The following MAML2 variants were observed in gnomAD, a reference collection of about 807,000 sequenced individuals.
The protein encoded by MAML2 is mastermind-like protein 2.
A neutral mutation model predicts 96.1 loss-of-function variants in MAML2; 22 were observed. The ratio of observed to expected loss-of-function variants is 0.23; its 90% CI spans 0.16 to 0.33. The LOEUF is 0.33. Ranked by LOEUF, MAML2 falls within the 10% of genes least tolerant of loss-of-function variation. The pLI, the probability that MAML2 is intolerant of heterozygous loss-of-function variation, is 1.00. For synonymous variants in MAML2, 561 were observed against 521.3 expected (o/e 1.08, Z -1.04); for missense variants, 1,367 against 1,392.4 (o/e 0.98, Z 0.29).
intron 2 of MAML2, among the ~76,000 whole-genome samples, chr11:96,024,944 G>A (rs113183832): frequency 1.3e-5 from 2 of 152,174 alleles, no homozygotes; most frequent in Non-Finnish European, 2.9e-5. Flanking sequence ...CTTATGGACT[G>A]CTGGTGGGAA....
intron 2 of MAML2, among the ~76,000 whole-genome samples, chr11:96,050,981 G>GAT (rs1858981334): frequency 6.6e-6 from 1 of 152,176 alleles, no homozygotes; most frequent in Non-Finnish European, 1.5e-5. Context: ...TGTGATGTGT[G>GAT]ATAGTCTTAG....
At chr11:96,338,664 T>G (rs1863949562) in intron 1 of MAML2, among the ~76,000 whole-genome samples, 1 of 152,218 alleles carries the variant, frequency 6.6e-6, no homozygotes, top group African/African-American at 2.4e-5. Flanking sequence ...ACATCTTTGA[T>G]TTTAGATGAT....
chr11:96,148,697 CACACACACACAT>C (rs1163850791), intron 1 of MAML2, among the ~76,000 whole-genome samples: 2 of 143,430 alleles, frequency 1.4e-5, no homozygotes, highest in African/African-American at 5.1e-5. Flanking sequence ...CACACACACA[CACACACACACAT>C]AAGCACGCAC....
At chr11:96,184,475 T>TAAATAAAA (rs1861541097) in intron 1 of MAML2, among the ~76,000 whole-genome samples, 1 of 118,982 alleles carries the variant, frequency 8.4e-6, no homozygotes. Context: ...AATAAATAAA[T>TAAATAAAA]AAAAATAATG....
At chr11:96,243,339 C>T (rs1591091942) in intron 1 of MAML2, among the ~76,000 whole-genome samples, 1 of 152,266 alleles carries the variant, frequency 6.6e-6, no homozygotes, top group Non-Finnish European at 1.5e-5. Flanking sequence ...GCGGGGTTGG[C>T]TGTCGGGAAT....
At chr11:96,077,112 C>A (rs534462269) in intron 2 of MAML2, among the ~76,000 whole-genome samples, 104 of 150,654 alleles carry the variant, frequency 6.9e-4, no homozygotes, top group African/African-American at 2.2e-3. Context: ...TATAAAGTAT[C>A]TTTATACAGC....
chr11:96,051,235 A>C (rs1385218337), intron 2 of MAML2, among the ~76,000 whole-genome samples: 1 of 152,212 alleles, frequency 6.6e-6, no homozygotes, highest in Non-Finnish European at 1.5e-5. Context: ...GTGGCAGATA[A>C]AACATATATT....
intron 1 of MAML2, among the ~76,000 whole-genome samples, chr11:96,167,918 T>G (rs1861218752): frequency 6.6e-6 from 1 of 152,228 alleles, no homozygotes; most frequent in South Asian, 2.1e-4. Flanking sequence ...ATCATAGCAA[T>G]TAACAAGCAT....
chr11:96,203,627 G>C (rs563217377), intron 1 of MAML2, among the ~76,000 whole-genome samples: 1 of 152,122 alleles, frequency 6.6e-6, no homozygotes, highest in Non-Finnish European at 1.5e-5. Context: ...GCAAGAAGTC[G>C]CAAGTCACAG....
At chr11:96,170,963 G>A (rs1053440196) in intron 1 of MAML2, among the ~76,000 whole-genome samples, 12 of 151,824 alleles carry the variant, frequency 7.9e-5, no homozygotes, top group East Asian at 7.7e-4. Flanking sequence ...TGATCCGCCC[G>A]CCTCGGCCTC....
intron 1 of MAML2, among the ~76,000 whole-genome samples, chr11:96,255,967 G>A (rs988638477): frequency 2.1e-5 from 3 of 145,106 alleles, no homozygotes; most frequent in South Asian, 2.3e-4. Flanking sequence ...TCTGCCTCCC[G>A]GGTTCAAGCG....
In MAML2 at chr11:96,093,477, G is replaced by T; in HGVS notation, c.554C>A (p.Ser185Tyr). The T allele has an allele frequency of 1.2e-6, 2 of 1,613,482 alleles. No homozygotes were observed. Among genetic ancestry groups the T allele is most frequent in the Non-Finnish European group, 1.7e-6 (2 of 1,179,712 alleles). ...ATTGGGTCGCTTGCTGTTGGCAGGAGATAGGTTAACTACCTGTTTTCTTTT... is the reference window on the plus strand; with the variant it reads ...ATTGGGTCGCTTGCTGTTGGCAGGATATAGGTTAACTACCTGTTTTCTTTT... Reference protein sequence around the residue: ...SLKRKQVVNLSPANSKRPNGF... With the variant: ...SLKRKQVVNLYPANSKRPNGF... The change falls in exon 2 of 5, where the codon TCT (serine) becomes TAT (tyrosine). Residue 185 changes from serine (S) to tyrosine (Y), a missense_variant. By Grantham distance (144) the Ser-to-Tyr change is moderately radical (BLOSUM62 -2). Transcript: ENST00000524717.
At chr11:96,201,012 C>T (rs1861813293) in intron 1 of MAML2, among the ~76,000 whole-genome samples, 1 of 151,224 alleles carries the variant, frequency 6.6e-6, no homozygotes, top group Non-Finnish European at 1.5e-5. Context: ...ACATTTAACT[C>T]TTGGGGGAAA....
intron 1 of MAML2, among the ~76,000 whole-genome samples, chr11:96,130,022 A>G (rs1164703074): frequency 3.9e-5 from 6 of 152,258 alleles, no homozygotes; most frequent in Admixed American, 1.3e-4. Flanking sequence ...ATACTAGCCC[A>G]GGTATATTAT....
chr11:96,070,988 G>A (rs1379447946), intron 2 of MAML2, among the ~76,000 whole-genome samples: 1 of 152,242 alleles, frequency 6.6e-6, no homozygotes, highest in African/African-American at 2.4e-5. Context: ...CATCTCTTGT[G>A]TAGCTGAGAT....
chr11:95,996,967 G>C (rs1012266107), intron 2 of MAML2, among the ~76,000 whole-genome samples: 3 of 152,184 alleles, frequency 2.0e-5, no homozygotes, highest in African/African-American at 7.2e-5. Context: ...ATGTGTGTAT[G>C]TGTGCATGCA....
intron 1 of MAML2, among the ~76,000 whole-genome samples, chr11:96,211,087 A>G (rs531565707): frequency 1.3e-5 from 2 of 152,314 alleles, no homozygotes; most frequent in South Asian, 4.1e-4. Flanking sequence ...CTTATGTATA[A>G]TGGTTAACTT....
intron 1 of MAML2, among the ~76,000 whole-genome samples, chr11:96,242,435 A>G (rs1862449317): frequency 6.6e-6 from 1 of 152,254 alleles, no homozygotes; most frequent in African/African-American, 2.4e-5. Flanking sequence ...GATTTTAGTG[A>G]CAAGATTTCC....
At chr11:96,006,223 G>A (rs1001459972) in intron 2 of MAML2, among the ~76,000 whole-genome samples, 1 of 152,166 alleles carries the variant, frequency 6.6e-6, no homozygotes, top group Admixed American at 6.5e-5. Flanking sequence ...ACTAAGGGAT[G>A]AACTTCAAAA....
Sources: allele counts gnomAD v4.1 joint callset (sites outside exome capture counted in the v4.1 genomes callset), GRCh38; gene constraint gnomAD v4.1.1; transcripts MANE v1.5; gene names NCBI Gene and HGNC (gene_info 2026-07-23, HGNC 2026-07-21).